Variants in EBF2 observed in about 807,000 individuals in gnomAD.
EBF2 encodes transcription factor COE2.
Under a neutral mutation model 72.8 loss-of-function variants are expected in EBF2, and 21 were observed. That is an observed-to-expected ratio of 0.29 (90% CI 0.20 to 0.42). The LOEUF (loss-of-function observed/expected upper bound fraction) is 0.42, where lower values mean the gene tolerates loss of function less well. EBF2 is among the 10% of genes least tolerant of loss of function. EBF2 has a pLI of 1.00. For missense variants in EBF2, 637 were observed against 731.2 expected (o/e 0.87, Z 1.49); for synonymous variants, 299 against 274.2 (o/e 1.09, Z -0.89).
At chr8:25,888,650 T>C (rs1270141310) in intron 8 of EBF2, among the ~76,000 whole-genome samples, 1 of 152,186 alleles carries the variant, frequency 6.6e-6, no homozygotes, top group African/African-American at 2.4e-5. Context: ...CAATTTCTAA[T>C]CACTCTACTA....
At chr8:25,861,469 C>A in intron 11 of EBF2, 95 bp from the exon 12 acceptor site, 1 of 1,395,806 alleles carries the variant, frequency 7.2e-7, no homozygotes, top group Non-Finnish European at 1.0e-6. Context: ...TCCACACATC[C>A]CTCCCAAAAT....
intron 5 of EBF2, among the ~76,000 whole-genome samples, chr8:26,039,574 G>A (rs954019514): frequency 2.0e-5 from 3 of 152,202 alleles, no homozygotes; most frequent in Admixed American, 6.5e-5. Context: ...GAAGCACCCC[G>A]GAAATGAGCC....
intron 14 of EBF2, among the ~76,000 whole-genome samples, chr8:25,853,991 T>C (rs913663390): frequency 6.6e-6 from 1 of 152,120 alleles, no homozygotes; most frequent in East Asian, 1.9e-4. Context: ...ATGTATTGCT[T>C]TCACTTGTCC....
intron 6 of EBF2, among the ~76,000 whole-genome samples, chr8:25,933,000 C>T (rs1803510553): frequency 6.6e-6 from 1 of 152,124 alleles, no homozygotes; most frequent in Admixed American, 6.6e-5. Context: ...TCAGTGAAGG[C>T]AAACTGTGCT....
intron 10 of EBF2, among the ~76,000 whole-genome samples, chr8:25,871,999 T>C (rs1009455637): frequency 9.2e-5 from 14 of 152,160 alleles, no homozygotes; most frequent in African/African-American, 3.4e-4. Context: ...ATATTAATTT[T>C]CCCAAAGGAT....
In EBF2 at chr8:26,044,714, C is replaced by A. The variant is rs778844254; in HGVS notation, c.131+15G>T. On this transcript the variant is annotated intron_variant, in intron 1 of 15. Coordinates refer to ENST00000520164, the MANE Select transcript of EBF2 (RefSeq NM_022659.4). This position sits in a 1 kb window ranked among gnomAD's most constrained non-coding sequence, Gnocchi z 4.1. Reference sequence around the variant, plus strand: ...AGCGAGAGACAGCATAATAATTGCGCGGCCGTGTCGTTACCTCTGCGCGGC... The same window carrying A: ...AGCGAGAGACAGCATAATAATTGCGAGGCCGTGTCGTTACCTCTGCGCGGC... The A allele has an allele frequency of 6.2e-6, 10 of 1,612,586 alleles. No individual in the cohort carries two copies. In the African/African-American group the frequency reaches 1.1e-4, roughly 17 times the overall value.
At chr8:25,941,426 G>A (rs539899159) in intron 6 of EBF2, among the ~76,000 whole-genome samples, 107 of 152,142 alleles carry the variant, frequency 7.0e-4, no homozygotes, top group African/African-American at 2.5e-3. Flanking sequence ...GGCTGGTCTC[G>A]AACTCCTGGC....
chr8:25,859,145 G>A lies in EBF2; in HGVS notation c.1343-641C>T, dbSNP rs564537380. 5.3e-5 allele frequency among the ~76,000 whole-genome samples: 8 copies of A among 152,244 alleles called. 1 individual carries two copies. In the South Asian group the frequency reaches 1.7e-3, roughly 32 times the overall value. On this transcript the variant is annotated intron_variant, in intron 13 of 15. Coordinates refer to ENST00000520164, the MANE Select transcript of EBF2 (RefSeq NM_022659.4). ...ACTGGAGTCCAGTGAGATATGATTG[G>A]TGTCACTGAGAAAACATTCTGTGGT...
At chr8:25,902,423 C>T (rs943654847) in intron 7 of EBF2, among the ~76,000 whole-genome samples, 1 of 152,088 alleles carries the variant, frequency 6.6e-6, no homozygotes, top group Non-Finnish European at 1.5e-5. Flanking sequence ...GATTTAGATA[C>T]TTTGAGGAGC....
At chr8:25,903,072 T>A (rs1802980841) in intron 7 of EBF2, among the ~76,000 whole-genome samples, 2 of 152,150 alleles carry the variant, frequency 1.3e-5, no homozygotes, top group Non-Finnish European at 2.9e-5. Flanking sequence ...TTAATTTTTA[T>A]GGATACGTAG....
At position 25,952,210 on chromosome 8, in the gene EBF2, C is replaced by T. The variant is rs575262601; in HGVS notation, c.552-43655G>A. 3.2e-4 allele frequency among the ~76,000 whole-genome samples: 49 copies of T among 152,262 alleles called. 1 individual carries two copies. The East Asian group carries it at 8.9e-3, about 28-fold the overall frequency. On this transcript the variant is annotated intron_variant, in intron 6 of 15. Coordinates refer to ENST00000520164, the MANE Select transcript of EBF2 (RefSeq NM_022659.4). ...ACTCAGGAGACTGAGGCAAGAGGAT[C>T]GCTTAAGCTCACGAGTTGGAGGCTA...
chr8:25,848,560 G>C (rs568503343), intron 15 of EBF2, among the ~76,000 whole-genome samples: 1 of 152,194 alleles, frequency 6.6e-6, no homozygotes, highest in African/African-American at 2.4e-5. Context: ...CTGGGAGTCT[G>C]TAAGAAACTT....
chr8:26,033,809 T>C (rs924612698), intron 5 of EBF2, among the ~76,000 whole-genome samples: 1 of 152,118 alleles, frequency 6.6e-6, no homozygotes, highest in Non-Finnish European at 1.5e-5. Flanking sequence ...TATAAGCTAC[T>C]TGAGGGCAGG....
intron 14 of EBF2, among the ~76,000 whole-genome samples, chr8:25,852,138 G>A (rs539859379): frequency 6.6e-6 from 1 of 152,252 alleles, no homozygotes; most frequent in South Asian, 2.1e-4. Context: ...AATTGGAAAG[G>A]AGAACAAAGT....
At chr8:25,888,866 T>A (rs989927214) in intron 8 of EBF2, among the ~76,000 whole-genome samples, 1 of 152,172 alleles carries the variant, frequency 6.6e-6, no homozygotes, top group Non-Finnish European at 1.5e-5. Flanking sequence ...GTCAATCACA[T>A]CCAATCAGTC....
chr8:25,978,097 C>A (rs922962700), intron 6 of EBF2, among the ~76,000 whole-genome samples: 1 of 152,174 alleles, frequency 6.6e-6, no homozygotes, highest in Non-Finnish European at 1.5e-5. Flanking sequence ...GCTCCTGTCA[C>A]CGAACCCTCG....
chr8:25,896,796 A>C (rs1802869920), intron 7 of EBF2, among the ~76,000 whole-genome samples: 1 of 152,202 alleles, frequency 6.6e-6, no homozygotes, highest in Non-Finnish European at 1.5e-5. Flanking sequence ...AGGTGAATCT[A>C]ATGACACAGT....
At chr8:25,920,524 T>C (rs1803290029) in intron 6 of EBF2, among the ~76,000 whole-genome samples, 1 of 152,210 alleles carries the variant, frequency 6.6e-6, no homozygotes, top group Non-Finnish European at 1.5e-5. Context: ...TCTTCAGCTT[T>C]GCCTACCCAA....
At chr8:25,962,663 G>A (rs539308366) in intron 6 of EBF2, among the ~76,000 whole-genome samples, 6 of 152,106 alleles carry the variant, frequency 3.9e-5, no homozygotes, top group Non-Finnish European at 8.8e-5. Context: ...CAGTCCAAGC[G>A]AAGAATAATG....
Sources: allele counts gnomAD v4.1 joint callset (sites outside exome capture counted in the v4.1 genomes callset), GRCh38; gene constraint gnomAD v4.1.1; non-coding constraint Gnocchi (gnomAD v3.1); transcripts MANE v1.5; gene names NCBI Gene and HGNC (gene_info 2026-07-23, HGNC 2026-07-21).